Variants in FLT4 observed in about 807,000 individuals in gnomAD.
FLT4 encodes fms related receptor tyrosine kinase 4.
FLT4 carries 30 observed loss-of-function variants against 163.2 expected under a neutral mutation model. The observed-to-expected ratio is 0.18, with a 90% confidence interval of 0.14 to 0.25. The LOEUF (loss-of-function observed/expected upper bound fraction) is 0.25. Among genes scored for constraint, FLT4 ranks in the 10% least tolerant of loss-of-function variants. The probability of loss-of-function intolerance (pLI) is 1.00; values close to 1 mark genes in which losing one functional copy is unlikely to be tolerated. For synonymous variants in FLT4, 884 were observed against 789.5 expected, an observed-to-expected ratio of 1.12 and a Z score of -2.01; for missense variants, 1,510 against 1,863.8, an observed-to-expected ratio of 0.81 and a Z score of 3.50.
chr5:180,632,928 G>T (rs574540911), intron 1 of FLT4, among the ~76,000 whole-genome samples: 1 of 152,130 alleles, frequency 6.6e-6, no homozygotes, highest in South Asian at 2.1e-4. Flanking sequence ...AGAGGCCCAG[G>T]GCTGCGTCCT....
At chr5:180,615,070 C>T (rs1052344162) in intron 23 of FLT4, among the ~76,000 whole-genome samples, 5 of 152,240 alleles carry the variant, frequency 3.3e-5, no homozygotes, top group African/African-American at 1.2e-4. Context: ...CCCTGGGAGT[C>T]AGGACCCACC....
In FLT4 at chr5:180,626,114, T is replaced by C. The variant is rs764583810; in HGVS notation, c.1255A>G (p.Asn419Asp). Reference protein sequence around the residue: ...RRNISLELVVNVPPQIHEKEA... With the variant: ...RRNISLELVVDVPPQIHEKEA... ...CGCTCTCCCGTCCCTGACCTACCATTCACCACCAGCTCCAGGCTGATGTTG... is the reference window on the plus strand; with the variant it reads ...CGCTCTCCCGTCCCTGACCTACCATCCACCACCAGCTCCAGGCTGATGTTG... The change falls in exon 9 of 30, where the codon AAT becomes GAT. Residue 419 changes from asparagine to aspartate, a missense_variant. This residue lies in a region of FLT4 where 878 missense variants were observed against 1,016.7 expected (regional missense o/e 0.86). Transcript: ENST00000261937. 18 of 1,612,826 alleles carry C rather than the reference T, an allele frequency of 1.1e-5. No individual in the cohort carries two copies. In the South Asian group the frequency reaches 2.0e-4, roughly 18 times the overall value.
intron 1 of FLT4, 150 bp from the exon 2 acceptor site, chr5:180,631,928 A>AC: frequency 2.5e-5 from 3 of 122,080 alleles, no homozygotes; most frequent in Non-Finnish European, 5.2e-5. Context: ...GCCTGGCCTC[A>AC]CCATGTGCGC....
At chr5:180,611,212 GT>G in intron 27 of FLT4, 118 bp downstream of exon 27, 9 of 1,237,162 alleles carry the variant, frequency 7.3e-6, no homozygotes, top group Non-Finnish European at 1.1e-5. Flanking sequence ...CTCTGAGTTT[GT>G]GCACACTGGC....
Position 180,630,897 on chromosome 5 carries a change from T to A in FLT4, c.156-98A>T. 1 of 1,409,560 alleles carries A rather than the reference T, an allele frequency of 7.1e-7. No homozygotes were observed. The highest frequency in any genetic ancestry group is 1.4e-5 in the South Asian group (1 of 72,416). The allele number at this position is 1,409,560 out of a possible 1,614,324, so 87.3% of individuals were successfully genotyped here. The stretch of plus-strand genomic sequence containing the variant: ...AGGCCGAGCCTCACCAGGTTTGTCT[T>A]ACCCAGAGCATGGAACTGCCCAGGG... On this transcript the variant is annotated intron_variant, in intron 2 of 29. Transcript: ENST00000261937. This position sits in a 1 kb window ranked among gnomAD's most constrained non-coding sequence, Gnocchi z 6.3.
In FLT4 at chr5:180,638,937, C is replaced by T. The variant is rs941572154; in HGVS notation, c.59-7159G>A. On this transcript the variant is annotated intron_variant, in intron 1 of 29. Transcript: ENST00000261937. The stretch of plus-strand genomic sequence containing the variant: ...CTCTTTCTTACCCCACCCCATGCTT[C>T]CCACAGCACCTGGCACAGAGTAAAG... Among the ~76,000 whole-genome samples the T allele has an allele frequency of 2.0e-5, 3 of 151,306 alleles. No homozygotes were observed. In the East Asian group the frequency reaches 5.8e-4, roughly 29 times the overall value.
At chr5:180,629,514 G>C in intron 6 of FLT4, 87 bp from the exon 7 acceptor site, 5 of 1,540,148 alleles carry the variant, frequency 3.2e-6, no homozygotes, top group Non-Finnish European at 4.4e-6. Flanking sequence ...CCCAGCCAGC[G>C]GTGGCTCCGG....
Position 180,620,369 on chromosome 5 carries a change from T to A in FLT4, c.2407-61A>T. 1 of 1,600,180 alleles carries A rather than the reference T, an allele frequency of 6.2e-7. No individual in the cohort carries two copies. Among genetic ancestry groups the A allele is most frequent in the South Asian group, 1.1e-5 (1 of 90,904 alleles). On this transcript the variant is annotated intron_variant, in intron 16 of 29. Coordinates refer to ENST00000261937, the MANE Select transcript of FLT4 (RefSeq NM_182925.5). The surrounding 1 kb of genome is among the most constrained non-coding windows in gnomAD (Gnocchi z 4.4). ...ACTGATTTGGCCATACCACTGTGGC[T>A]TGGGCAGAACTTTGCCCAGGACAGA...
chr5:180,626,045 G>A lies in FLT4; in HGVS notation c.1259-14C>T, dbSNP rs2127827522. ...TCTGGGGGGGCACTGTGGGCACACA[G>A]ATGGCCGGTCAGCTGGCCTCCAATG... On this transcript the variant is annotated splice_polypyrimidine_tract_variant and intron_variant, in intron 9 of 29. Transcript: ENST00000261937. 1 of 1,612,722 alleles carries A rather than the reference G, an allele frequency of 6.2e-7. No homozygotes were observed. Among genetic ancestry groups the A allele is most frequent in the Non-Finnish European group, 8.5e-7 (1 of 1,179,990 alleles).
chr5:180,615,401 C>T (rs1380703218), intron 23 of FLT4, among the ~76,000 whole-genome samples: 4 of 140,590 alleles, frequency 2.8e-5, no homozygotes, highest in South Asian at 2.3e-4. Context: ...CACTGGGTCC[C>T]GCTGGTCACC....
intron 23 of FLT4, among the ~76,000 whole-genome samples, chr5:180,614,669 C>G (rs1762497738): frequency 1.3e-5 from 2 of 151,668 alleles, no homozygotes; most frequent in African/African-American, 4.8e-5. Context: ...ATGGTCTCTA[C>G]CTGGGAGCCC....
chr5:180,621,760 G>A lies in FLT4; in HGVS notation c.1802C>T (p.Ala601Val), dbSNP rs754245879. The change falls in exon 13 of 30, where the codon GCG becomes GTG. Residue 601 changes from alanine (A) to valine (V), a missense_variant. Ala to Val is a moderately conservative substitution (Grantham distance 64, BLOSUM62 0). This residue lies in a region of FLT4 where 878 missense variants were observed against 1,016.7 expected (regional missense o/e 0.86). Transcript: ENST00000261937. ...YRLNLSTLHD[A>V]HGNPLLLDCK... ...GTCGAGCAGAAGCGGGTTCCCGTGC[G>A]CATCGTGCAGCGTGGACAGGTTGAG... is the stretch of plus-strand genomic sequence containing the variant. 4 of 1,613,220 alleles carry A rather than the reference G, an allele frequency of 2.5e-6. 1 individual carries two copies. In the Admixed American group the frequency reaches 6.7e-5, roughly 27 times the overall value.
In FLT4 at chr5:180,630,973, C is replaced by T. The variant is rs910636001; in HGVS notation, c.156-174G>A. Among the ~76,000 whole-genome samples the T allele has an allele frequency of 5.3e-5, 8 of 152,108 alleles. No individual in the cohort carries two copies. The highest frequency in any genetic ancestry group is 7.4e-5 in the Non-Finnish European group (5 of 67,996). On this transcript the variant is annotated intron_variant, in intron 2 of 29. Coordinates refer to ENST00000261937, the MANE Select transcript of FLT4 (RefSeq NM_182925.5). This position sits in a 1 kb window ranked among gnomAD's most constrained non-coding sequence, Gnocchi z 6.3. ...CCAGGGCAGGGCACTCCCCGACCCC[C>T]GGGCCTCTACCAGGCTCCCGGGGCT...
At chr5:180,607,608 T>C (rs1407971943) in intron 29 of FLT4, among the ~76,000 whole-genome samples, 1 of 148,750 alleles carries the variant, frequency 6.7e-6, no homozygotes, top group African/African-American at 2.5e-5. Context: ...ACCACTGCAC[T>C]CTAGCCTGGG....
At chr5:180,634,339 G>A (rs1764391896) in intron 1 of FLT4, among the ~76,000 whole-genome samples, 1 of 152,142 alleles carries the variant, frequency 6.6e-6, no homozygotes, top group Non-Finnish European at 1.5e-5. Flanking sequence ...CTGAACAGAG[G>A]CTCAATTTTA....
intron 1 of FLT4, among the ~76,000 whole-genome samples, chr5:180,637,360 A>C (rs1056960660): frequency 1.3e-5 from 2 of 151,680 alleles, no homozygotes; most frequent in Non-Finnish European, 1.5e-5. Context: ...AAGAAAAAAG[A>C]AAAACTCCCC....
chr5:180,621,145 C>T lies in FLT4; in HGVS notation c.2128G>A (p.Val710Met), dbSNP rs758234191. Residue 710 changes from valine to methionine, a missense_variant, in exon 14 of 30, where the codon GTG becomes ATG. Coordinates refer to ENST00000261937, the MANE Select transcript of FLT4 (RefSeq NM_182925.5). ...AGCAGCCTCTCGTCTTTGTACCACA[C>T]GATGCTGGGCGCGTGCGCTCCGGCC... ...LVAGAHAPSI[V>M]WYKDERLLEE... The T allele has an allele frequency of 1.2e-5, 19 of 1,612,726 alleles. No individual in the cohort carries two copies. In the Admixed American group the frequency reaches 2.8e-4, roughly 24 times the overall value.
chr5:180,628,631 C>T (rs80199030), intron 8 of FLT4, among the ~76,000 whole-genome samples: 7,227 of 152,306 alleles, frequency 0.047, 184 homozygotes, highest in Admixed American at 0.075. Context: ...GCTGTGCCCA[C>T]CACACCCACA....
At chr5:180,607,589 A>C (rs1010646672) in intron 29 of FLT4, among the ~76,000 whole-genome samples, 8 of 151,174 alleles carry the variant, frequency 5.3e-5, no homozygotes, top group Non-Finnish European at 8.9e-5. Context: ...TGCAGCGAGC[A>C]GAGATCGCAC....
Sources: gnomAD v4.1 joint callset for allele counts (sites outside exome capture counted in the v4.1 genomes callset) on GRCh38, gnomAD v4.1.1 for gene constraint, gnomAD v4.1.1 regional missense constraint, Gnocchi (gnomAD v3.1) non-coding constraint, MANE v1.5 for transcripts, NCBI Gene and HGNC (gene_info 2026-07-23, HGNC 2026-07-21) for gene names.